The following PCDH15 variants were observed in gnomAD, a reference collection of about 807,000 sequenced individuals.
PCDH15 encodes the protein protocadherin related 15, also known as protocadherin-15.
PCDH15 carries 129 observed loss-of-function variants against 178.5 expected under a neutral mutation model. The observed-to-expected ratio is 0.72, with a 90% CI of 0.63 to 0.84. PCDH15 has a LOEUF of 0.84. Ranked by LOEUF, PCDH15 falls within the 40% of genes least tolerant of loss-of-function variation. PCDH15 has a pLI of 0.00. For missense variants in PCDH15, 2,230 were observed against 2,099.9 expected, an observed-to-expected ratio of 1.06 and a Z score of -1.21; for synonymous variants, 800 against 732.0, an observed-to-expected ratio of 1.09 and a Z score of -1.50.
At chr10:55,341,793 ATATATATATATATTTTTTTTTTT>A (rs1489313682) in intron 2 of PCDH15, among the ~76,000 whole-genome samples, 132 of 12,840 alleles carry the variant, frequency 0.01, 2 homozygotes, top group Non-Finnish European at 0.016. Context: ...ATATATATAT[ATATATATATATATTTTTTTTTTT>A]TTTTTTTTTT....
At chr10:54,528,512 AG>A (rs2083580696) in intron 2 of PCDH15, 1 of 771,014 alleles carries the variant, frequency 1.3e-6, no homozygotes, top group Non-Finnish European at 2.0e-6. Flanking sequence ...GGATATAAAA[AG>A]CATTATACAA....
chr10:54,161,526 G>A (rs1292920661), intron 13 of PCDH15, among the ~76,000 whole-genome samples: 1 of 152,062 alleles, frequency 6.6e-6, no homozygotes, highest in Admixed American at 6.6e-5. Context: ...ACTAAAACCA[G>A]CCCAACTCTT....
intron 3 of PCDH15, among the ~76,000 whole-genome samples, chr10:54,832,799 T>C (rs999297199): frequency 1.3e-5 from 2 of 151,934 alleles, no homozygotes; most frequent in South Asian, 2.1e-4. Flanking sequence ...AAAAATAGAG[T>C]TCTGTTAGGA....
chr10:55,344,539 A>C (rs1844690971), intron 2 of PCDH15, among the ~76,000 whole-genome samples: 1 of 152,118 alleles, frequency 6.6e-6, no homozygotes, highest in South Asian at 2.1e-4. Flanking sequence ...TGGGAATAAA[A>C]GAAGACAGTC....
At chr10:54,310,991 T>C (rs1337670585) in intron 8 of PCDH15, among the ~76,000 whole-genome samples, 1 of 152,084 alleles carries the variant, frequency 6.6e-6, no homozygotes, top group Non-Finnish European at 1.5e-5. Context: ...TGTAGATCAC[T>C]GAAAATCATC....
chr10:53,915,619 G>T (rs1417629865), intron 25 of PCDH15, among the ~76,000 whole-genome samples: 1 of 152,170 alleles, frequency 6.6e-6, no homozygotes, highest in East Asian at 1.9e-4. Context: ...GAGTGCAGTG[G>T]CACGATCTTG....
chr10:55,040,028 T>G (rs1373872988), intron 2 of PCDH15, among the ~76,000 whole-genome samples: 1 of 151,932 alleles, frequency 6.6e-6, no homozygotes, highest in Non-Finnish European at 1.5e-5. Flanking sequence ...TAAACAGAAT[T>G]ACCCAAATTT....
intron 29 of PCDH15, among the ~76,000 whole-genome samples, chr10:53,833,358 G>A (rs770932819): frequency 2.6e-4 from 40 of 152,036 alleles, no homozygotes; most frequent in Non-Finnish European, 2.2e-4. Context: ...TCAATGTGAT[G>A]TCATAAACAA....
Position 55,593,104 on chromosome 10 carries a change from A to T in PCDH15, c.-156+34521T>A, listed in dbSNP as rs7922369. On this transcript the variant is annotated intron_variant, in intron 2 of 5. Coordinates refer to the PCDH15 transcript ENST00000613346. ...CTAAATGTCCAACTTTATAATTGCTAGTTATGGAATACTAACAAATGAAAT... is the reference window on the plus strand; with the variant it reads ...CTAAATGTCCAACTTTATAATTGCTTGTTATGGAATACTAACAAATGAAAT... Among the ~76,000 whole-genome samples, 1,438 of 152,094 alleles carry T rather than the reference A, an allele frequency of 9.5e-3. 15 individuals are homozygous for T. The highest frequency in any genetic ancestry group is 0.014 in the Non-Finnish European group (973 of 67,900).
chr10:54,079,820 C>A (rs1003955337), intron 16 of PCDH15, among the ~76,000 whole-genome samples: 1 of 152,084 alleles, frequency 6.6e-6, no homozygotes, highest in African/African-American at 2.4e-5. Context: ...TATATCACCT[C>A]CCAATTTATG....
At chr10:55,557,410 G>T (rs557935566) in intron 2 of PCDH15, among the ~76,000 whole-genome samples, 3 of 152,204 alleles carry the variant, frequency 2.0e-5, no homozygotes, top group African/African-American at 7.2e-5. Flanking sequence ...ACTGGATTTG[G>T]TCAAAATCAA....
At chr10:55,372,183 A>AT (rs2131990744) in intron 2 of PCDH15, among the ~76,000 whole-genome samples, 1 of 152,182 alleles carries the variant, frequency 6.6e-6, no homozygotes, top group African/African-American at 2.4e-5. Context: ...CATATTTATT[A>AT]TTTTTCTACA....
intron 1 of PCDH15, among the ~76,000 whole-genome samples, chr10:55,252,086 G>A (rs4622167): frequency 6.6e-6 from 1 of 152,066 alleles, no homozygotes; most frequent in Non-Finnish European, 1.5e-5. Flanking sequence ...ATTCATTGTC[G>A]ACCAAGCTTT....
intron 2 of PCDH15, among the ~76,000 whole-genome samples, chr10:54,551,214 A>T (rs1219794): frequency 0.99 from 146,722 of 147,658 alleles, 72,899 homozygotes; most frequent in East Asian, 1. Flanking sequence ...AAAAATTATC[A>T]CAGTGTAAAG....
intron 14 of PCDH15, among the ~76,000 whole-genome samples, chr10:54,143,220 G>A (rs2043568386): frequency 6.6e-6 from 1 of 152,122 alleles, no homozygotes; most frequent in Non-Finnish European, 1.5e-5. Flanking sequence ...TTGTTAAAAT[G>A]TGTTTGAGGA....
intron 2 of PCDH15, among the ~76,000 whole-genome samples, chr10:55,492,386 T>C (rs1401326566): frequency 6.6e-6 from 1 of 151,764 alleles, no homozygotes; most frequent in Non-Finnish European, 1.5e-5. Context: ...AGGGACTACT[T>C]CTAGACAATA....
At chr10:54,001,721 TA>T (rs994348303) in intron 20 of PCDH15, among the ~76,000 whole-genome samples, 42 of 151,814 alleles carry the variant, frequency 2.8e-4, no homozygotes, top group African/African-American at 9.9e-4. Flanking sequence ...TCCTTAGTTA[TA>T]AAAAATAACA....
chr10:55,088,151 A>C (rs1842223327), intron 2 of PCDH15, among the ~76,000 whole-genome samples: 1 of 152,138 alleles, frequency 6.6e-6, no homozygotes, highest in East Asian at 1.9e-4. Flanking sequence ...CTATCATATG[A>C]AATTGACCAA....
At position 54,921,709 on chromosome 10, in the gene PCDH15, C is replaced by T. The variant is rs150740401; in HGVS notation, c.-79-24209G>A. 1.3e-3 allele frequency among the ~76,000 whole-genome samples: 204 copies of T among 152,240 alleles called. 1 individual carries two copies. Among genetic ancestry groups the T allele is most frequent in the African/African-American group, 4.8e-3 (198 of 41,564 alleles). ...AGTATTCCATAATGTTTATGTACCA[C>T]ATTTTTTTCATTCAGTCTAACACTG... On this transcript the variant is annotated intron_variant, in intron 2 of 5. Transcript: ENST00000458638.
Sources: gnomAD v4.1 joint callset for allele counts (sites outside exome capture counted in the v4.1 genomes callset) on GRCh38, gnomAD v4.1.1 for gene constraint, MANE v1.5 for transcripts, NCBI Gene and HGNC (gene_info 2026-07-23, HGNC 2026-07-21) for gene names.